ARB2A: variants seen among roughly 807,000 people sequenced by gnomAD.
ARB2A encodes ARB2 cotranscriptional regulator A, also known as cotranscriptional regulator ARB2A.
chr5:93,860,769 C>T, the ARB2A span: 1 of 152,110 alleles, frequency 6.6e-6, no homozygotes, highest in Admixed American at 6.6e-5. Flanking sequence ...ATTCTCCTGC[C>T]TCGGCCTCCT....
At chr5:93,667,635 G>A in the ARB2A span, among the ~76,000 whole-genome samples, 1 of 151,998 alleles carries the variant, frequency 6.6e-6, no homozygotes, top group African/African-American at 2.4e-5. Flanking sequence ...TATTTATTTA[G>A]TTTTGTAAAG....
the ARB2A span, among the ~76,000 whole-genome samples, chr5:93,765,309 C>A: frequency 1.3e-5 from 2 of 152,068 alleles, 1 homozygote; most frequent in South Asian, 4.2e-4. Flanking sequence ...TTGTCTCAGC[C>A]CAAAATCTCC....
chr5:93,988,278 C>A, the ARB2A span, among the ~76,000 whole-genome samples: 1 of 152,106 alleles, frequency 6.6e-6, no homozygotes, highest in African/African-American at 2.4e-5. Flanking sequence ...CTTCCCAGTG[C>A]CCCTAGAATA....
the ARB2A span, among the ~76,000 whole-genome samples, chr5:93,949,135 A>G: frequency 0.012 from 1,765 of 152,254 alleles, 38 homozygotes; most frequent in African/African-American, 0.04. Flanking sequence ...ACACTCAGGC[A>G]TTTAGGAAAT....
chr5:93,855,282 C>G, the ARB2A span, among the ~76,000 whole-genome samples: 1 of 152,014 alleles, frequency 6.6e-6, no homozygotes, highest in African/African-American at 2.4e-5. Flanking sequence ...GATTGCAACC[C>G]CTGCCTTTTT....
the ARB2A span, among the ~76,000 whole-genome samples, chr5:93,989,558 A>G: frequency 6.6e-6 from 1 of 152,084 alleles, no homozygotes; most frequent in Non-Finnish European, 1.5e-5. Flanking sequence ...CCACTTATAT[A>G]CTACGGATCC....
the ARB2A span, among the ~76,000 whole-genome samples, chr5:93,726,337 C>T: frequency 3.9e-5 from 6 of 152,080 alleles, no homozygotes; most frequent in African/African-American, 1.4e-4. Context: ...CCCCAACCCC[C>T]TCATAGATAT....
At chr5:93,631,120 G>T in the ARB2A span, among the ~76,000 whole-genome samples, 1 of 151,914 alleles carries the variant, frequency 6.6e-6, no homozygotes, top group Non-Finnish European at 1.5e-5. Flanking sequence ...CCTGAGCTCA[G>T]GCGATCCACC....
At chr5:93,870,602 T>C in the ARB2A span, among the ~76,000 whole-genome samples, 1 of 152,242 alleles carries the variant, frequency 6.6e-6, no homozygotes, top group Non-Finnish European at 1.5e-5. Context: ...CATTGTCTAT[T>C]TCACTGTATT....
At chr5:93,938,122 C>T in the ARB2A span, among the ~76,000 whole-genome samples, 1 of 152,090 alleles carries the variant, frequency 6.6e-6, no homozygotes, top group Non-Finnish European at 1.5e-5. Context: ...AAAAATACAA[C>T]AGAATAACAC....
At chr5:93,901,605 A>T in the ARB2A span, among the ~76,000 whole-genome samples, 2 of 152,154 alleles carry the variant, frequency 1.3e-5, no homozygotes, top group Non-Finnish European at 2.9e-5. Flanking sequence ...CAATTGCAAT[A>T]ATCCTCCAGA....
the ARB2A span, among the ~76,000 whole-genome samples, chr5:93,691,774 G>A: frequency 2.6e-5 from 4 of 152,060 alleles, no homozygotes; most frequent in Non-Finnish European, 5.9e-5. Context: ...GGTAGCCAGA[G>A]AGAAAGATCA....
the ARB2A span, among the ~76,000 whole-genome samples, chr5:93,749,554 T>C: frequency 2.6e-5 from 4 of 152,186 alleles, no homozygotes; most frequent in Non-Finnish European, 5.9e-5. Context: ...TTCACTTAAT[T>C]CTCAATATAA....
chr5:93,769,140 T>C, the ARB2A span, among the ~76,000 whole-genome samples: 1 of 152,250 alleles, frequency 6.6e-6, no homozygotes, highest in African/African-American at 2.4e-5. Context: ...AATCTAGTTA[T>C]AAAGGAAAAA....
At chr5:93,984,496 A>G in the ARB2A span, among the ~76,000 whole-genome samples, 2 of 152,218 alleles carry the variant, frequency 1.3e-5, no homozygotes, top group East Asian at 3.8e-4. Context: ...AAATCAAGAC[A>G]ACTGAAGTAA....
chr5:93,778,337 GCACA>G, the ARB2A span, among the ~76,000 whole-genome samples: 1 of 152,174 alleles, frequency 6.6e-6, no homozygotes, highest in Non-Finnish European at 1.5e-5. Context: ...CAGAAGATTA[GCACA>G]CAATTAGCCA....
chr5:93,919,846 AATG>A, the ARB2A span, among the ~76,000 whole-genome samples: 1 of 152,174 alleles, frequency 6.6e-6, no homozygotes. Flanking sequence ...ATAAAAGTTT[AATG>A]AAACATCCTT....
At chr5:93,666,503 C>CTT in the ARB2A span, among the ~76,000 whole-genome samples, 68 of 139,518 alleles carry the variant, frequency 4.9e-4, no homozygotes, top group Middle Eastern at 3.7e-3. Flanking sequence ...GTGCTATATC[C>CTT]TTTTTTTTTT....
chr5:93,873,269 G>A, the ARB2A span, among the ~76,000 whole-genome samples: 2 of 143,942 alleles, frequency 1.4e-5, no homozygotes, highest in South Asian at 2.3e-4. Context: ...TCTAGCCTGC[G>A]TGACAGAGTA....
Sources: allele counts gnomAD v4.1 joint callset (sites outside exome capture counted in the v4.1 genomes callset), GRCh38; gene constraint gnomAD v4.1.1; transcripts MANE v1.5; gene names NCBI Gene and HGNC (gene_info 2026-07-23, HGNC 2026-07-21).